The following B3GAT1 variants were observed in gnomAD, a reference collection of about 807,000 sequenced individuals.
B3GAT1 encodes beta-1,3-glucuronyltransferase 1.
A neutral mutation model predicts 28.4 loss-of-function variants in B3GAT1; 11 were observed. The ratio of observed to expected loss-of-function variants is 0.39; its 90% CI spans 0.24 to 0.64. The LOEUF (loss-of-function observed/expected upper bound fraction) is 0.64, where lower values mean the gene tolerates loss of function less well. Ranked by LOEUF, B3GAT1 falls within the 30% of genes least tolerant of loss-of-function variation. The pLI is 0.50. For missense variants in B3GAT1, 375 were observed against 491.0 expected, an observed-to-expected ratio of 0.76 and a Z score of 2.23; for synonymous variants, 255 against 223.1, an observed-to-expected ratio of 1.14 and a Z score of -1.27.
chr11:134,388,008 C>A, intron 1 of B3GAT1, 68 bp from the exon 2 acceptor site: 1 of 587,294 alleles, frequency 1.7e-6, no homozygotes, highest in Non-Finnish European at 2.9e-6. Flanking sequence ...CAAGGCTGGG[C>A]CCTGCTCTGG....
intron 3 of B3GAT1, among the ~76,000 whole-genome samples, 178 bp from the exon 4 acceptor site, chr11:134,383,184 GAGA>G (rs972874975): frequency 6.6e-6 from 1 of 152,180 alleles, no homozygotes; most frequent in Non-Finnish European, 1.5e-5. Context: ...TTGGGCACCT[GAGA>G]AGAACCTGCC....
chr11:134,404,003 ATATATAT>A (rs1186924131), intron 1 of B3GAT1, among the ~76,000 whole-genome samples: 1 of 88,424 alleles, frequency 1.1e-5, no homozygotes, highest in Non-Finnish European at 2.4e-5. Context: ...ATATATATAT[ATATATAT>A]ATATATATAT....
intron 2 of B3GAT1, chr11:134,387,281 T>A: frequency 2.5e-6 from 1 of 394,966 alleles, no homozygotes; most frequent in Non-Finnish European, 4.6e-6. Context: ...TGCCCCCTCC[T>A]CTTGGGTGCT....
At chr11:134,403,928 G>T (rs1052417403) in intron 1 of B3GAT1, among the ~76,000 whole-genome samples, 1 of 145,144 alleles carries the variant, frequency 6.9e-6, no homozygotes, top group Non-Finnish European at 1.5e-5. Context: ...TGGCTTGTGG[G>T]GGCTGGGATG....
intron 2 of B3GAT1, 46 bp from the exon 3 acceptor site, chr11:134,384,234 C>CGGCTCTG: frequency 1.3e-6 from 2 of 1,508,838 alleles, no homozygotes; most frequent in Non-Finnish European, 1.8e-6. Context: ...GCGCCGGCTA[C>CGGCTCTG]GGCCCTGGAT....
At chr11:134,404,441 T>C (rs1944689105) in intron 1 of B3GAT1, among the ~76,000 whole-genome samples, 1 of 152,202 alleles carries the variant, frequency 6.6e-6, no homozygotes, top group South Asian at 2.1e-4. Context: ...GTAAGTTTTA[T>C]GTTATGTGTT....
chr11:134,399,763 C>T (rs939809974), intron 1 of B3GAT1, among the ~76,000 whole-genome samples: 5 of 152,264 alleles, frequency 3.3e-5, no homozygotes, highest in African/African-American at 4.8e-5. Context: ...AAGGGTCTCT[C>T]GTGATGGGCT....
chr11:134,382,914 C>G lies in B3GAT1; in HGVS notation c.714G>C (p.Val238=). 6.2e-7 allele frequency: 1 copy of G among 1,613,098 alleles called. No homozygotes were observed. Among genetic ancestry groups the G allele is most frequent in the Non-Finnish European group, 8.5e-7 (1 of 1,179,582 alleles). Residue 238 remains valine, a synonymous_variant, in exon 4 of 6, where the codon GTG becomes GTC. Coordinates refer to ENST00000312527, the MANE Select transcript of B3GAT1 (RefSeq NM_054025.3). ...GGTCAAACACCGTCTTCCAGCCGACCACCTTCCCTGCCCCGTTCACCCGTG... is the reference window on the plus strand; with the variant it reads ...GGTCAAACACCGTCTTCCAGCCGACGACCTTCCCTGCCCCGTTCACCCGTG... ...EAPRVNGAGK[V]VGWKTVFDPH... is the part of the protein sequence containing the mutation.
At position 134,378,912 on chromosome 11, in the gene B3GAT1, G is replaced by T. The variant is rs1359493363; in HGVS notation, c.*1850C>A. On this transcript the variant is annotated 3_prime_UTR_variant, in exon 6 of 6. Coordinates refer to ENST00000312527, the MANE Select transcript of B3GAT1 (RefSeq NM_054025.3). ...CCTGAAAATGAACCCTAGGTTTTTG[G>T]CTAAGAAGGTGGCCTCAGACCAGCC... The T allele has an allele frequency of 6.6e-6, 1 of 152,136 alleles. No individual in the cohort carries two copies. Among genetic ancestry groups the T allele is most frequent in the African/African-American group, 2.4e-5 (1 of 41,424 alleles). The allele number at this position is 152,136 out of a possible 1,614,324, so 9.4% of individuals were successfully genotyped here.
intron 1 of B3GAT1, among the ~76,000 whole-genome samples, chr11:134,397,982 C>T (rs1461519108): frequency 6.6e-6 from 1 of 152,216 alleles, no homozygotes; most frequent in African/African-American, 2.4e-5. Flanking sequence ...ACCACAGCGA[C>T]TCAGGTGCCT....
intron 1 of B3GAT1, among the ~76,000 whole-genome samples, chr11:134,396,478 A>G (rs878987): frequency 0.15 from 23,218 of 152,146 alleles, 1,951 homozygotes; most frequent in African/African-American, 0.19. Flanking sequence ...TCTGAACCCC[A>G]CAGCCAGACG....
rs1221997303 is a variant in B3GAT1, at chr11:134,380,375, G to C, written c.*387C>G. ...AGGGCCATGCTCCACTTGACTGCGGGGTCTTCTTATCTCCCTCCCGCCCTG... is the reference window on the plus strand; with the variant it reads ...AGGGCCATGCTCCACTTGACTGCGGCGTCTTCTTATCTCCCTCCCGCCCTG... On this transcript the variant is annotated 3_prime_UTR_variant, in exon 6 of 6. Coordinates refer to ENST00000312527, the MANE Select transcript of B3GAT1 (RefSeq NM_054025.3). 2 of 152,226 alleles carry C rather than the reference G, an allele frequency of 1.3e-5. No homozygotes were observed. The highest frequency in any genetic ancestry group is 6.5e-5 in the Admixed American group (1 of 15,286). 9.4% of individuals were successfully genotyped at this position (152,226 alleles called of 1,614,324 possible).
In B3GAT1 at chr11:134,384,040, G is replaced by A. The variant is rs755860860; in HGVS notation, c.261C>T (p.His87=). 35 of 1,605,418 alleles carry A rather than the reference G, an allele frequency of 2.2e-5. No homozygotes were observed. The highest frequency in any genetic ancestry group is 2.5e-5 in the Non-Finnish European group (30 of 1,179,088). ...GGCGGCTGTAGGTGGGCGTCACCAC[G>A]TGGATGGTGGGCAGCGTGTCGGACC... ...PPWSDTLPTI[H]VVTPTYSRPV... Residue 87 remains histidine (H), a synonymous_variant, in exon 3 of 6, where the codon CAC becomes CAT. Coordinates refer to ENST00000312527, the MANE Select transcript of B3GAT1 (RefSeq NM_054025.3).
intron 5 of B3GAT1, among the ~76,000 whole-genome samples, chr11:134,381,071 T>G (rs1944110951): frequency 6.6e-6 from 1 of 152,198 alleles, no homozygotes; most frequent in Non-Finnish European, 1.5e-5. Flanking sequence ...GGCCTCAACC[T>G]CTGTTTGGCA....
intron 1 of B3GAT1, among the ~76,000 whole-genome samples, chr11:134,407,420 T>C (rs554735353): frequency 6.6e-6 from 1 of 152,360 alleles, no homozygotes; most frequent in East Asian, 1.9e-4. Context: ...CTCTAGGTCT[T>C]CTTCCTGTGA....
intron 1 of B3GAT1, among the ~76,000 whole-genome samples, chr11:134,402,011 C>A (rs1944626743): frequency 1.3e-5 from 2 of 150,064 alleles, no homozygotes; most frequent in South Asian, 4.2e-4. Flanking sequence ...GGAGGCGGGG[C>A]CCCTGGAACC....
chr11:134,397,876 G>A (rs369073594), intron 1 of B3GAT1, among the ~76,000 whole-genome samples: 47 of 152,278 alleles, frequency 3.1e-4, no homozygotes, highest in African/African-American at 1.0e-3. Context: ...AGGGGGCCCC[G>A]CAGTGAGGAA....
intron 1 of B3GAT1, among the ~76,000 whole-genome samples, chr11:134,409,484 C>A (rs1944808809): frequency 6.6e-6 from 1 of 152,176 alleles, no homozygotes; most frequent in South Asian, 2.1e-4. Flanking sequence ...GAAGGGTGTC[C>A]CTGAAAGTCC....
In B3GAT1 at chr11:134,393,950, TC is replaced by T. The variant is rs1298639927; in HGVS notation, c.-281-6011del. 6.6e-6 allele frequency among the ~76,000 whole-genome samples: 1 copy of T among 152,188 alleles called. No individual in the cohort carries two copies. The highest frequency in any genetic ancestry group is 1.5e-5 in the Non-Finnish European group (1 of 68,022). On this transcript the variant is annotated intron_variant, in intron 1 of 5. Coordinates refer to ENST00000312527, the MANE Select transcript of B3GAT1 (RefSeq NM_054025.3). This position sits in a 1 kb window ranked among gnomAD's most constrained non-coding sequence, Gnocchi z 4.0. Reference sequence around the variant, plus strand: ...ATGGGATCAGCGGATTAGTATTGATTCTGCAGGCGCTGCTCAGGAAACGCCT... The same window carrying T: ...ATGGGATCAGCGGATTAGTATTGATTTGCAGGCGCTGCTCAGGAAACGCCT...
Sources: gnomAD v4.1 joint callset for allele counts (sites outside exome capture counted in the v4.1 genomes callset) on GRCh38, gnomAD v4.1.1 for gene constraint, Gnocchi (gnomAD v3.1) non-coding constraint, MANE v1.5 for transcripts, NCBI Gene and HGNC (gene_info 2026-07-23, HGNC 2026-07-21) for gene names.